Variants in RASL12 observed in about 807,000 individuals in gnomAD.
RASL12 encodes RAS like family 12.
A neutral mutation model predicts 22.9 loss-of-function variants in RASL12; 16 were observed. The ratio of observed to expected loss-of-function variants is 0.70; its 90% confidence interval spans 0.47 to 1.06. RASL12 has a LOEUF of 1.06. Ranked by LOEUF, RASL12 falls within the 50% of genes least tolerant of loss-of-function variation. RASL12 has a pLI of 0.00. For synonymous variants in RASL12, 159 were observed against 152.2 expected (o/e 1.04, Z -0.33); for missense variants, 306 against 353.1 (o/e 0.87, Z 1.07).
upstream of RASL12, chr15:65,068,120 G>C: frequency 1.9e-6 from 2 of 1,031,298 alleles, no homozygotes; most frequent in Non-Finnish European, 2.3e-6. The surrounding 1 kb of genome is among the most constrained non-coding windows in gnomAD (Gnocchi z 4.2). Context: ...AGCAGGGAGG[G>C]AGCTCCTGCC....
At chr15:65,069,054 C>T (rs1176991842), upstream of RASL12, among the ~76,000 whole-genome samples, 2 of 152,216 alleles carry the variant, frequency 1.3e-5, no homozygotes, top group African/African-American at 2.4e-5. Context: ...CACGGCAGCC[C>T]TTCTCCTTCC....
chr15:65,066,083 AAAAGAAAGAG>A (rs1566956551), intron 1 of RASL12, among the ~76,000 whole-genome samples: 1 of 151,634 alleles, frequency 6.6e-6, no homozygotes, highest in Non-Finnish European at 1.5e-5. Flanking sequence ...GAGAGAGAAT[AAAAGAAAGAG>A]AAGGAAAGAG....
chr15:65,053,763 A>G lies in RASL12; in HGVS notation c.*1136T>C, dbSNP rs370294706. The G allele has an allele frequency of 3.0e-6, 3 of 986,172 alleles. No homozygotes were observed. 61.1% of individuals were successfully genotyped at this position (986,172 alleles called of 1,614,324 possible). A position where few individuals can be genotyped will look rare whatever the true frequency, so the allele number is the denominator to read the frequency against. On this transcript the variant is annotated 3_prime_UTR_variant, in exon 5 of 5. Coordinates refer to ENST00000220062, the MANE Select transcript of RASL12 (RefSeq NM_016563.4). ...CTGGGACCTGGCGTGTGGTAAACAA[A>G]ATCAGACAACTACCACACTGCCTGC...
chr15:65,059,301 T>C, intron 3 of RASL12, 44 bp downstream of exon 3: 5 of 1,539,174 alleles, frequency 3.2e-6, no homozygotes, highest in East Asian at 2.2e-5. Context: ...CTCAGGAGGC[T>C]ATACTGACTC....
chr15:65,060,518 C>A (rs1176938671), intron 2 of RASL12, among the ~76,000 whole-genome samples: 1 of 152,166 alleles, frequency 6.6e-6, no homozygotes, highest in Admixed American at 6.5e-5. Flanking sequence ...ATATATGGTT[C>A]TCATGATCTC....
downstream of RASL12, chr15:65,052,853 G>T (rs1016259116): frequency 3.3e-6 from 3 of 896,640 alleles, no homozygotes; most frequent in Non-Finnish European, 5.2e-6. Context: ...TCCTCTAGTA[G>T]CTCCCAAACT....
At chr15:65,068,196 A>C, upstream of RASL12, 2 of 992,628 alleles carry the variant, frequency 2.0e-6, no homozygotes, top group Non-Finnish European at 2.4e-6. The surrounding 1 kb of genome is among the most constrained non-coding windows in gnomAD (Gnocchi z 4.2). Flanking sequence ...GCGCCCCCAA[A>C]CCCGGCCGGG....
At chr15:65,058,285 C>CACAA (rs1331629241) in intron 4 of RASL12, 142 bp downstream of exon 4, 5 of 658,548 alleles carry the variant, frequency 7.6e-6, no homozygotes, top group African/African-American at 3.7e-5. Context: ...CAAACACACA[C>CACAA]ACAAACAAAC....
chr15:65,066,214 AAG>A (rs1305174811), intron 1 of RASL12, among the ~76,000 whole-genome samples: 5 of 151,926 alleles, frequency 3.3e-5, no homozygotes, highest in Admixed American at 6.6e-5. Context: ...GAAGGAAGAA[AAG>A]AGAAAGAAAC....
In RASL12 at chr15:65,054,856, G is replaced by C. The variant is rs1356942902; in HGVS notation, c.*43C>G. 1.3e-6 allele frequency: 2 copies of C among 1,576,662 alleles called. No individual in the cohort carries two copies. The highest frequency in any genetic ancestry group is 1.7e-6 in the Non-Finnish European group (2 of 1,160,258). ...AGAAGCCAGTCCCTGTCCTGCTGCA[G>C]TCCTGTCCAGCCACCGAGCCTAGGC... On this transcript the variant is annotated 3_prime_UTR_variant, in exon 5 of 5. Coordinates refer to ENST00000220062, the MANE Select transcript of RASL12 (RefSeq NM_016563.4).
the RASL12 span, among the ~76,000 whole-genome samples, chr15:65,048,284 C>T: frequency 6.6e-6 from 1 of 152,194 alleles, no homozygotes; most frequent in East Asian, 1.9e-4. Flanking sequence ...ATATGAAAAG[C>T]TTAAGTCAGT....
intron 2 of RASL12, among the ~76,000 whole-genome samples, chr15:65,060,421 A>C (rs1212391762): frequency 6.6e-6 from 1 of 152,252 alleles, no homozygotes; most frequent in Non-Finnish European, 1.5e-5. Context: ...CCATAGCCCA[A>C]TGAGCAAAAA....
At chr15:65,072,988 T>G (rs1461256222), upstream of RASL12, among the ~76,000 whole-genome samples, 5 of 151,842 alleles carry the variant, frequency 3.3e-5, no homozygotes, top group African/African-American at 1.2e-4. Flanking sequence ...AATACAAAAA[T>G]TAACCAGGTG....
intron 2 of RASL12, among the ~76,000 whole-genome samples, chr15:65,062,742 A>G (rs563636018): frequency 6.6e-6 from 1 of 152,298 alleles, no homozygotes; most frequent in East Asian, 1.9e-4. Context: ...GAGTTGTTTT[A>G]CCAGCATTGC....
upstream of RASL12, among the ~76,000 whole-genome samples, chr15:65,072,919 T>C (rs2140538777): frequency 6.6e-6 from 1 of 152,128 alleles, no homozygotes; most frequent in East Asian, 1.9e-4. Flanking sequence ...AGAGGATCAC[T>C]TGAGGTCAAG....
intron 4 of RASL12, among the ~76,000 whole-genome samples, chr15:65,058,085 A>C (rs1156923737): frequency 1.3e-5 from 2 of 152,208 alleles, no homozygotes; most frequent in African/African-American, 4.8e-5. Context: ...CCTGGCCAAA[A>C]AGGCGAAACC....
intron 1 of RASL12, 21 bp from the exon 2 acceptor site, chr15:65,065,294 T>G (rs1183884269): frequency 1.9e-6 from 3 of 1,607,842 alleles, no homozygotes; most frequent in Non-Finnish European, 2.5e-6. Flanking sequence ...CAGAAAGAGG[T>G]TGGCTCCATC....
chr15:65,065,458 G>T (rs989295581), intron 1 of RASL12, among the ~76,000 whole-genome samples, 185 bp from the exon 2 acceptor site: 1 of 152,152 alleles, frequency 6.6e-6, no homozygotes, highest in East Asian at 1.9e-4. Flanking sequence ...CCAGAACTAC[G>T]GGGAGCCAAG....
At chr15:65,060,312 A>C (rs1042667743) in intron 2 of RASL12, among the ~76,000 whole-genome samples, 9 of 151,904 alleles carry the variant, frequency 5.9e-5, no homozygotes, top group African/African-American at 2.2e-4. Flanking sequence ...TTTTTTTTTT[A>C]ACTTTTGAAA....
Sources: allele counts gnomAD v4.1 joint callset (sites outside exome capture counted in the v4.1 genomes callset), GRCh38; gene constraint gnomAD v4.1.1; non-coding constraint Gnocchi (gnomAD v3.1); transcripts MANE v1.5; gene names NCBI Gene and HGNC (gene_info 2026-07-23, HGNC 2026-07-21).